The following RHBG variants were observed in gnomAD, a reference collection of about 807,000 sequenced individuals.
RHBG encodes the protein Rh family B glycoprotein.
RHBG carries 39 observed loss-of-function variants against 40.1 expected under a neutral mutation model. The ratio of observed to expected loss-of-function variants is 0.97; its 90% CI spans 0.75 to 1.27. The LOEUF (loss-of-function observed/expected upper bound fraction) is 1.27. Among genes scored for constraint, RHBG ranks in the 50% most tolerant of loss-of-function variants. The pLI is 0.00. For missense variants in RHBG, 549 were observed against 588.1 expected (o/e 0.93, Z 0.69); for synonymous variants, 237 against 252.5 (o/e 0.94, Z 0.58).
Position 156,382,860 on chromosome 1 carries a change from G to T in RHBG, c.1225G>T (p.Gly409Cys), listed in dbSNP as rs774132018. ...VTLMFASVGG[G>C]LGGLLLKLPF... is the part of the protein sequence containing the mutation. ...ACTGATGTTTGCCTCTGTGGGCGGGGGCCTTGGAGGTGAGTAACCTTGGAT... is the reference window on the plus strand; with the variant it reads ...ACTGATGTTTGCCTCTGTGGGCGGGTGCCTTGGAGGTGAGTAACCTTGGAT... The change falls in exon 8 of 10, where the codon GGC becomes TGC. Residue 409 changes from glycine to cysteine, a missense_variant. Gly to Cys is a radical substitution (Grantham distance 159). Transcript: ENST00000537040. 85 of 1,614,098 alleles carry T rather than the reference G, an allele frequency of 5.3e-5. No individual in the cohort carries two copies. Among genetic ancestry groups the T allele is most frequent in the Non-Finnish European group, 6.9e-5 (82 of 1,180,044 alleles).
chr1:156,374,315 A>G (rs1181774162), intron 1 of RHBG, among the ~76,000 whole-genome samples: 1 of 152,154 alleles, frequency 6.6e-6, no homozygotes, highest in East Asian at 1.9e-4. Flanking sequence ...AAGGTTGGGG[A>G]TCGCTAGGTA....
At chr1:156,384,291 G>C (rs1009187430) in intron 8 of RHBG, 3 of 601,696 alleles carry the variant, frequency 5.0e-6, no homozygotes, top group African/African-American at 1.9e-5. Flanking sequence ...TGTAATACAG[G>C]AATAATATTG....
At chr1:156,369,466 C>CA (rs1295609331) in intron 1 of RHBG, 30 bp downstream of exon 1, 1 of 1,566,386 alleles carries the variant, frequency 6.4e-7, no homozygotes, top group Non-Finnish European at 8.7e-7. Flanking sequence ...GCGCGGGAAG[C>CA]AAAGACCCCA....
At chr1:156,375,136 A>G (rs1667098313) in intron 1 of RHBG, among the ~76,000 whole-genome samples, 1 of 151,708 alleles carries the variant, frequency 6.6e-6, no homozygotes. Context: ...CAATGGCACT[A>G]TCTTAGCTCA....
chr1:156,369,450 G>C lies in RHBG; in HGVS notation c.187+14G>C, dbSNP rs776028814. 6.3e-7 allele frequency: 1 copy of C among 1,593,394 alleles called. No individual in the cohort carries two copies. The highest frequency in any genetic ancestry group is 8.6e-7 in the Non-Finnish European group (1 of 1,167,822). On this transcript the variant is annotated intron_variant, in intron 1 of 9. Coordinates refer to ENST00000537040, the MANE Select transcript of RHBG (RefSeq NM_020407.5). ...TTCGCTACCCAAGTGAGTGCGGGGT[G>C]AGGGCGCGCGGGAAGCAAAGACCCC...
At chr1:156,375,800 C>T (rs932367270) in intron 1 of RHBG, among the ~76,000 whole-genome samples, 3 of 150,814 alleles carry the variant, frequency 2.0e-5, no homozygotes, top group Non-Finnish European at 4.4e-5. Flanking sequence ...AGTGCAATGG[C>T]GCTATCTCGG....
chr1:156,381,541 A>G, intron 5 of RHBG, 28 bp downstream of exon 5: 1 of 1,581,648 alleles, frequency 6.3e-7, no homozygotes, highest in Non-Finnish European at 8.6e-7. Context: ...TCAGAGAGGC[A>G]GAGGGGGTGG....
At position 156,384,979 on chromosome 1, in the gene RHBG, C is replaced by T. The variant is rs577905935; in HGVS notation, c.*134C>T. 8.3e-5 allele frequency: 51 copies of T among 612,726 alleles called. No individual in the cohort carries two copies. The highest frequency in any genetic ancestry group is 1.3e-4 in the Non-Finnish European group (46 of 341,908). The allele number at this position is 612,726 out of a possible 1,614,324, so 38.0% of individuals were successfully genotyped here. On this transcript the variant is annotated 3_prime_UTR_variant, in exon 10 of 10. Transcript: ENST00000537040. ...TGAGCCAGAAGGAGGCCCCTTTCCACAGGCAGCGTCTCCACAGGGAGAGGG... is the reference window on the plus strand; with the variant it reads ...TGAGCCAGAAGGAGGCCCCTTTCCATAGGCAGCGTCTCCACAGGGAGAGGG...
chr1:156,370,201 C>A (rs1466411520), intron 1 of RHBG, among the ~76,000 whole-genome samples: 1 of 152,102 alleles, frequency 6.6e-6, no homozygotes, highest in African/African-American at 2.4e-5. Context: ...GTAATCCCAG[C>A]ACTTTGGGAG....
intron 7 of RHBG, 37 bp downstream of exon 7, chr1:156,382,238 C>T (rs1468140195): frequency 6.2e-7 from 1 of 1,613,690 alleles, no homozygotes; most frequent in Non-Finnish European, 8.5e-7. Context: ...AGTCGTCATC[C>T]ATCTGGAATG....
chr1:156,382,153 T>A lies in RHBG; in HGVS notation c.1064T>A (p.Leu355Gln), dbSNP rs1310840857. 2 of 1,614,106 alleles carry A rather than the reference T, an allele frequency of 1.2e-6. No individual in the cohort carries two copies. Among genetic ancestry groups the A allele is most frequent in the Non-Finnish European group, 1.7e-6 (2 of 1,180,000 alleles). ...ATGCCGGGGGTCCTGGGGGCCCTCC[T>A]GGGGGTCCTTGTGGCTGGACTTGCC... ...HGMPGVLGAL[L>Q]GVLVAGLATH... Residue 355 changes from leucine (L) to glutamine (Q), a missense_variant, in exon 7 of 10, where the codon CTG becomes CAG. Leu to Gln is a moderately radical substitution (Grantham distance 113). Coordinates refer to ENST00000537040, the MANE Select transcript of RHBG (RefSeq NM_020407.5).
chr1:156,379,987 A>G (rs914191000), intron 4 of RHBG, among the ~76,000 whole-genome samples: 8 of 152,170 alleles, frequency 5.3e-5, no homozygotes, highest in Admixed American at 6.5e-5. Flanking sequence ...TCTCCCAAAC[A>G]CTGAAGGGTC....
intron 4 of RHBG, among the ~76,000 whole-genome samples, chr1:156,380,042 T>C (rs1667508104): frequency 6.6e-6 from 1 of 152,166 alleles, no homozygotes; most frequent in Non-Finnish European, 1.5e-5. Context: ...TTTCCTGATA[T>C]GTGTATCAAG....
In RHBG at chr1:156,381,506, T is replaced by C. The variant is rs770914169; in HGVS notation, c.833T>C (p.Leu278Pro). The change falls in exon 5 of 10, where the codon CTT (leucine) becomes CCT (proline). Residue 278 changes from leucine to proline, a missense_variant. Around this residue, in one of 3 missense-constraint regions of RHBG, gnomAD observed 399 missense variants for 417.0 expected, o/e 0.96. Coordinates refer to ENST00000537040, the MANE Select transcript of RHBG (RefSeq NM_020407.5). ...LSALVGEDGR[L>P]DMVHIQNAAL... Reference sequence around the variant, plus strand: ...GCCCTTGTAGGGGAAGATGGGAGGCTTGACATGGTATGGGGAAGAGGACTT... The same window carrying C: ...GCCCTTGTAGGGGAAGATGGGAGGCCTGACATGGTATGGGGAAGAGGACTT... 6.2e-7 allele frequency: 1 copy of C among 1,609,354 alleles called. No homozygotes were observed. The highest frequency in any genetic ancestry group is 1.1e-5 in the South Asian group (1 of 90,370).
At chr1:156,381,107 G>A (rs528027834) in intron 4 of RHBG, among the ~76,000 whole-genome samples, 10 of 152,284 alleles carry the variant, frequency 6.6e-5, no homozygotes, top group Admixed American at 4.6e-4. Flanking sequence ...TCACTATGTT[G>A]TCCAGGCTGG....
chr1:156,369,525 C>T, intron 1 of RHBG, 89 bp downstream of exon 1: 2 of 1,377,206 alleles, frequency 1.5e-6, no homozygotes, highest in South Asian at 1.5e-5. Context: ...TTTGGGTGCC[C>T]GCATTTAGCT....
chr1:156,377,123 C>T lies in RHBG; in HGVS notation c.188-178C>T, dbSNP rs1046229749. On this transcript the variant is annotated intron_variant, in intron 1 of 9. Coordinates refer to ENST00000537040, the MANE Select transcript of RHBG (RefSeq NM_020407.5). This position sits in a 1 kb window ranked among gnomAD's most constrained non-coding sequence, Gnocchi z 4.6. The stretch of plus-strand genomic sequence containing the variant: ...CGGGGTCCCACTGCTCCAAGCTGGC[C>T]AGCTCTGCGCAGGTGGCTCAGGGCT... Among the ~76,000 whole-genome samples, 10 of 152,222 alleles carry T rather than the reference C, an allele frequency of 6.6e-5. No individual in the cohort carries two copies. The East Asian group carries it at 1.5e-3, about 23-fold the overall frequency.
At chr1:156,376,045 T>A (rs1667174136) in intron 1 of RHBG, among the ~76,000 whole-genome samples, 1 of 152,148 alleles carries the variant, frequency 6.6e-6, no homozygotes, top group Admixed American at 6.5e-5. Context: ...GTACCCAGCC[T>A]TATATATTAT....
At chr1:156,372,781 T>C (rs1177661989) in intron 1 of RHBG, among the ~76,000 whole-genome samples, 1 of 151,738 alleles carries the variant, frequency 6.6e-6, no homozygotes, top group African/African-American at 2.4e-5. Context: ...CAGAAGGAGG[T>C]GGGGAGACAT....
Sources: allele counts gnomAD v4.1 joint callset (sites outside exome capture counted in the v4.1 genomes callset), GRCh38; gene constraint gnomAD v4.1.1; regional missense constraint gnomAD v4.1.1; non-coding constraint Gnocchi (gnomAD v3.1); transcripts MANE v1.5; gene names NCBI Gene and HGNC (gene_info 2026-07-23, HGNC 2026-07-21).